WDR70: variants seen among roughly 807,000 people sequenced by gnomAD.
The protein encoded by WDR70 is WD repeat-containing protein 70.
Under a neutral mutation model 88.6 loss-of-function variants are expected in WDR70, and 53 were observed. The observed-to-expected ratio is 0.60, with a 90% CI of 0.48 to 0.75. The LOEUF is 0.75. WDR70 is among the 30% of genes least tolerant of loss of function. WDR70 has a pLI of 0.00. For missense variants in WDR70, 610 were observed against 823.2 expected (o/e 0.74, Z 3.17); for synonymous variants, 280 against 270.0 (o/e 1.04, Z -0.36).
At chr5:37,381,754 A>G in intron 3 of WDR70, 69 bp downstream of exon 3, 1 of 1,504,602 alleles carries the variant, frequency 6.6e-7, no homozygotes, top group South Asian at 1.1e-5. Flanking sequence ...AGTATATTAA[A>G]AAAGAGAAAA....
At chr5:37,664,993 G>T (rs1745797583) in intron 10 of WDR70, among the ~76,000 whole-genome samples, 1 of 152,160 alleles carries the variant, frequency 6.6e-6, no homozygotes, top group African/African-American at 2.4e-5. Context: ...TTAATAAGAT[G>T]GTCTGTACGA....
chr5:37,725,762 T>G (rs1397568467), intron 16 of WDR70, among the ~76,000 whole-genome samples: 1 of 152,104 alleles, frequency 6.6e-6, no homozygotes, highest in Non-Finnish European at 1.5e-5. Context: ...CTATGCACCT[T>G]AGTCTCAAGT....
At chr5:37,651,171 T>C (rs1561051245) in intron 10 of WDR70, among the ~76,000 whole-genome samples, 1 of 152,104 alleles carries the variant, frequency 6.6e-6, no homozygotes, top group Non-Finnish European at 1.5e-5. Context: ...GTCCATGTGT[T>C]CTCATTGTTC....
chr5:37,483,554 C>T (rs1739742538), intron 8 of WDR70, among the ~76,000 whole-genome samples: 1 of 152,188 alleles, frequency 6.6e-6, no homozygotes, highest in Admixed American at 6.5e-5. Flanking sequence ...CCCACCTTTC[C>T]CCCTTTTCTA....
chr5:37,681,972 C>T (rs1561068458), intron 10 of WDR70, among the ~76,000 whole-genome samples: 1 of 152,054 alleles, frequency 6.6e-6, no homozygotes, highest in African/African-American at 2.4e-5. Flanking sequence ...GTCCCTCCTC[C>T]TCAATTGTTT....
intron 9 of WDR70, among the ~76,000 whole-genome samples, chr5:37,553,318 C>T (rs1266073799): frequency 1.3e-5 from 2 of 152,124 alleles, no homozygotes; most frequent in Admixed American, 6.5e-5. Context: ...CGTCTGGCTC[C>T]GTTATACCAC....
chr5:37,506,385 A>G (rs1740562282), intron 8 of WDR70: 2 of 791,464 alleles, frequency 2.5e-6, no homozygotes, highest in Non-Finnish European at 4.6e-6. Context: ...ATCATTTACA[A>G]TGAGCTGTCC....
intron 10 of WDR70, among the ~76,000 whole-genome samples, chr5:37,693,330 T>C (rs1746868152): frequency 6.6e-6 from 1 of 152,186 alleles, no homozygotes; most frequent in South Asian, 2.1e-4. Flanking sequence ...AAGTTACCAA[T>C]GACTTTCTTC....
chr5:37,424,734 A>G (rs1367880884), intron 5 of WDR70, among the ~76,000 whole-genome samples: 1 of 151,990 alleles, frequency 6.6e-6, no homozygotes, highest in African/African-American at 2.4e-5. Flanking sequence ...ACAGAATATC[A>G]CTCATCAAAT....
intron 10 of WDR70, among the ~76,000 whole-genome samples, chr5:37,651,567 T>A (rs1745410202): frequency 1.3e-5 from 2 of 152,188 alleles, no homozygotes; most frequent in Admixed American, 6.5e-5. Flanking sequence ...TTGAACTAAT[T>A]TACACTCCCA....
At chr5:37,699,383 G>C (rs1202064353) in intron 11 of WDR70, among the ~76,000 whole-genome samples, 1 of 66,116 alleles carries the variant, frequency 1.5e-5, no homozygotes, top group Admixed American at 1.9e-4. Flanking sequence ...GTATATATAT[G>C]TATGTGTGTA....
chr5:37,555,674 G>T (rs1440930240), intron 9 of WDR70, among the ~76,000 whole-genome samples: 2 of 151,918 alleles, frequency 1.3e-5, no homozygotes, highest in African/African-American at 4.8e-5. Flanking sequence ...TTTCCCTGCT[G>T]TGATATAGTT....
At chr5:37,456,247 C>T (rs1738836875) in intron 7 of WDR70, among the ~76,000 whole-genome samples, 2 of 152,150 alleles carry the variant, frequency 1.3e-5, no homozygotes, top group Non-Finnish European at 2.9e-5. Context: ...ACTTCATATC[C>T]TTACCTACAC....
intron 15 of WDR70, 145 bp from the exon 16 acceptor site, chr5:37,724,789 G>A (rs1747922933): frequency 1.7e-5 from 14 of 813,124 alleles, no homozygotes; most frequent in Middle Eastern, 3.8e-4. Context: ...TTGGCTAATT[G>A]GTTACAGTAA....
intron 10 of WDR70, among the ~76,000 whole-genome samples, chr5:37,629,943 A>C (rs995172197): frequency 1.2e-4 from 18 of 152,304 alleles, no homozygotes; most frequent in African/African-American, 4.3e-4. Flanking sequence ...ACTCATATAA[A>C]TGGATCTTGG....
At chr5:37,589,844 C>T (rs763836676) in intron 9 of WDR70, among the ~76,000 whole-genome samples, 13 of 152,086 alleles carry the variant, frequency 8.5e-5, no homozygotes, top group Non-Finnish European at 1.5e-4. Flanking sequence ...TCAAGTGATC[C>T]GCCTGCCTTG....
intron 4 of WDR70, among the ~76,000 whole-genome samples, chr5:37,394,832 A>G (rs2111897264): frequency 6.6e-6 from 1 of 152,332 alleles, no homozygotes; most frequent in South Asian, 2.1e-4. Flanking sequence ...TGAGCTATGC[A>G]GTGGCTCAAA....
intron 8 of WDR70, among the ~76,000 whole-genome samples, chr5:37,488,921 C>T (rs1172302412): frequency 6.6e-6 from 1 of 152,162 alleles, no homozygotes; most frequent in African/African-American, 2.4e-5. Context: ...GTTACTTCTT[C>T]CAGTTTTTTG....
chr5:37,502,900 G>A (rs1275547620), intron 8 of WDR70, among the ~76,000 whole-genome samples: 1 of 152,122 alleles, frequency 6.6e-6, no homozygotes, highest in South Asian at 2.1e-4. Flanking sequence ...ATCCATGAAG[G>A]ATTCACCCCC....
Sources: gnomAD v4.1 joint callset for allele counts (sites outside exome capture counted in the v4.1 genomes callset) on GRCh38, gnomAD v4.1.1 for gene constraint, MANE v1.5 for transcripts, NCBI Gene and HGNC (gene_info 2026-07-23, HGNC 2026-07-21) for gene names.